SP3: variants seen among roughly 807,000 people sequenced by gnomAD.
The protein encoded by SP3 is Sp3 transcription factor.
A neutral mutation model predicts 70.3 loss-of-function variants in SP3; 10 were observed. The observed-to-expected ratio is 0.14, with a 90% confidence interval of 0.09 to 0.24. SP3 has a LOEUF of 0.24. Among genes scored for constraint, SP3 ranks in the 10% least tolerant of loss-of-function variants. The pLI, the probability that SP3 is intolerant of heterozygous loss-of-function variation, is 1.00. For missense variants in SP3, 825 were observed against 914.6 expected (o/e 0.90, Z 1.26); for synonymous variants, 402 against 333.5 (o/e 1.21, Z -2.24).
chr2:173,965,269 G>C lies in SP3; in HGVS notation c.-98C>G, dbSNP rs1691257979. 7.2e-7 allele frequency: 1 copy of C among 1,379,578 alleles called. No individual in the cohort carries two copies. Among genetic ancestry groups the C allele is most frequent in the Admixed American group, 2.1e-5 (1 of 48,606 alleles). The allele number at this position is 1,379,578 out of a possible 1,614,324, so 85.5% of individuals were successfully genotyped here. On this transcript the variant is annotated 5_prime_UTR_variant, in exon 1 of 7. Coordinates refer to ENST00000310015, the MANE Select transcript of SP3 (RefSeq NM_003111.5). ...GGGAGAGGATGCGGGAAGCGGCGGC[G>C]GACACGGCCGGAGCGGTCCGGGGAT... is the stretch of plus-strand genomic sequence containing the variant.
rs939968672 is a variant in SP3 at position 173,906,007 on chromosome 2, CA to C, written c.*3933del. On this transcript the variant is annotated 3_prime_UTR_variant, in exon 7 of 7. Transcript: ENST00000310015. ...GACCCTGTCAAATATAGGGAAAAAACAAACAATAAACCCTGGACTAGAATGA... is the reference window on the plus strand; with the variant it reads ...GACCCTGTCAAATATAGGGAAAAAACAACAATAAACCCTGGACTAGAATGA... Among the ~76,000 whole-genome samples the C allele has an allele frequency of 6.6e-6, 1 of 152,114 alleles. No homozygotes were observed. Among genetic ancestry groups the C allele is most frequent in the African/African-American group, 2.4e-5 (1 of 41,412 alleles).
In SP3 at chr2:173,906,825, T is replaced by C. The variant is rs1559086118; in HGVS notation, c.*3116A>G. On this transcript the variant is annotated 3_prime_UTR_variant, in exon 7 of 7. Transcript: ENST00000310015. ...TTTCAAAACACATATACACTCCATC[T>C]CCAGAGATGTTGATTTAGTAAGCTG... 6.6e-6 allele frequency: 1 copy of C among 152,194 alleles called. No homozygotes were observed. Among genetic ancestry groups the C allele is most frequent in the Non-Finnish European group, 1.5e-5 (1 of 68,034 alleles). The allele number at this position is 152,194 out of a possible 1,614,324, so 9.4% of individuals were successfully genotyped here.
chr2:173,934,483 T>G (rs1008645494), intron 4 of SP3, among the ~76,000 whole-genome samples: 1 of 152,070 alleles, frequency 6.6e-6, no homozygotes, highest in Non-Finnish European at 1.5e-5. Context: ...AGGAAATAAA[T>G]GACATAATGT....
At chr2:173,930,597 G>C (rs773145041) in intron 4 of SP3, among the ~76,000 whole-genome samples, 14 of 152,080 alleles carry the variant, frequency 9.2e-5, no homozygotes, top group Non-Finnish European at 1.0e-4. Flanking sequence ...TTCCAACCTT[G>C]TCCCAAAAGC....
At chr2:173,962,609 A>G (rs1049303413) in intron 3 of SP3, among the ~76,000 whole-genome samples, 7 of 152,244 alleles carry the variant, frequency 4.6e-5, no homozygotes, top group African/African-American at 1.7e-4. Context: ...CTAAAATTAC[A>G]AATTATTTAC....
At position 173,964,489 on chromosome 2, in the gene SP3, ACCGCCGCCGCCG is replaced by A. The variant is rs750177307; in HGVS notation, c.60_71del (p.Gly26_Gly29del). 8.6e-6 allele frequency: 4 copies of A among 465,990 alleles called. No individual in the cohort carries two copies. The highest frequency in any genetic ancestry group is 6.9e-5 in the East Asian group (1 of 14,414). 28.9% of individuals were successfully genotyped at this position (465,990 alleles called of 1,614,324 possible). ...ACTCGCCGTGGCCGCCGCCGCCGCC[ACCGCCGCCGCCG>A]CTATCCACGTCCAAGGCAGCCATTT... On this transcript the variant is annotated inframe_deletion, in exon 2 of 7. Coordinates refer to ENST00000310015, the MANE Select transcript of SP3 (RefSeq NM_003111.5).
At position 173,965,123 on chromosome 2, in the gene SP3, G is replaced by A. The variant is rs201075653; in HGVS notation, c.7+42C>T. On this transcript the variant is annotated intron_variant, in intron 1 of 6. Transcript: ENST00000310015. ...GCTGGCTGTGGTCGGCGGCAGCGGCGGCGGCGGCAGCAGCAAGGGTTGCTC... is the reference window on the plus strand; with the variant it reads ...GCTGGCTGTGGTCGGCGGCAGCGGCAGCGGCGGCAGCAGCAAGGGTTGCTC... 335 of 1,547,170 alleles carry A rather than the reference G, an allele frequency of 2.2e-4. 2 individuals are homozygous for A. In the East Asian group the frequency reaches 7.2e-3, roughly 33 times the overall value.
intron 3 of SP3, among the ~76,000 whole-genome samples, chr2:173,962,416 G>A (rs79418221): frequency 6.6e-6 from 1 of 152,054 alleles, no homozygotes; most frequent in African/African-American, 2.4e-5. Flanking sequence ...GAACTAGAGG[G>A]ATACAGTTCA....
At chr2:173,959,637 C>T (rs1691000307) in intron 3 of SP3, among the ~76,000 whole-genome samples, 1 of 152,128 alleles carries the variant, frequency 6.6e-6, no homozygotes, top group African/African-American at 2.4e-5. Flanking sequence ...GGCTGTAGTC[C>T]CAGCTACTCT....
At chr2:173,950,659 A>T (rs1036411377) in intron 4 of SP3, among the ~76,000 whole-genome samples, 3 of 130,796 alleles carry the variant, frequency 2.3e-5, no homozygotes, top group South Asian at 2.3e-4. Context: ...CCTGTCTCTT[A>T]AAAAAAAAAA....
chr2:173,958,053 C>T (rs945511413), intron 3 of SP3, among the ~76,000 whole-genome samples: 7 of 152,172 alleles, frequency 4.6e-5, no homozygotes, highest in Admixed American at 4.6e-4. Flanking sequence ...CTAAAATCTA[C>T]ACTAAAGTGT....
At chr2:173,950,167 A>G (rs565858671) in intron 4 of SP3, among the ~76,000 whole-genome samples, 2 of 152,238 alleles carry the variant, frequency 1.3e-5, no homozygotes, top group South Asian at 2.1e-4. Flanking sequence ...TTTGCCTTCT[A>G]AAGGATAAGG....
intron 6 of SP3, among the ~76,000 whole-genome samples, chr2:173,911,628 T>C (rs754494660): frequency 3.9e-5 from 6 of 152,142 alleles, no homozygotes; most frequent in Non-Finnish European, 7.4e-5. Flanking sequence ...TATTTGATCA[T>C]TGACCTTTTT....
At position 173,905,433 on chromosome 2, in the gene SP3, A is replaced by G. The variant is rs535976476; in HGVS notation, c.*4508T>C. Among the ~76,000 whole-genome samples the G allele has an allele frequency of 6.6e-6, 1 of 152,288 alleles. No homozygotes were observed. The highest frequency in any genetic ancestry group is 6.5e-5 in the Admixed American group (1 of 15,310). On this transcript the variant is annotated 3_prime_UTR_variant, in exon 7 of 7. Transcript: ENST00000310015. ...TTAAGGTAAGAAAACTACCAATATC[A>G]CACATCTAGTAAGTAGCTTAGCATA... is the stretch of plus-strand genomic sequence containing the variant.
intron 4 of SP3, among the ~76,000 whole-genome samples, chr2:173,938,233 GA>G (rs577555070): frequency 6.6e-6 from 1 of 152,038 alleles, no homozygotes; most frequent in Non-Finnish European, 1.5e-5. Context: ...AAGGAGGGTG[GA>G]TCACCTGAGG....
At chr2:173,921,455 G>A (rs1181221999) in intron 4 of SP3, among the ~76,000 whole-genome samples, 1 of 152,158 alleles carries the variant, frequency 6.6e-6, no homozygotes, top group Non-Finnish European at 1.5e-5. Context: ...TTGGGAGACC[G>A]AAGCGGGAGA....
chr2:173,930,050 T>G (rs937085736), intron 4 of SP3, among the ~76,000 whole-genome samples: 1 of 152,190 alleles, frequency 6.6e-6, no homozygotes, highest in Non-Finnish European at 1.5e-5. Context: ...TATGGGTACC[T>G]TGAGTTTACC....
chr2:173,948,096 A>G (rs1690598767), intron 4 of SP3, among the ~76,000 whole-genome samples: 1 of 152,214 alleles, frequency 6.6e-6, no homozygotes, highest in South Asian at 2.1e-4. Flanking sequence ...TCTTGTTTTC[A>G]GCAATGAATC....
intron 4 of SP3, among the ~76,000 whole-genome samples, chr2:173,925,620 T>G (rs1448870430): frequency 6.6e-6 from 1 of 152,182 alleles, no homozygotes; most frequent in African/African-American, 2.4e-5. Flanking sequence ...GTTGTCCCAC[T>G]CCCATAGAGG....
Sources: gnomAD v4.1 joint callset for allele counts (sites outside exome capture counted in the v4.1 genomes callset) on GRCh38, gnomAD v4.1.1 for gene constraint, MANE v1.5 for transcripts, NCBI Gene and HGNC (gene_info 2026-07-23, HGNC 2026-07-21) for gene names.